Variants in MAPK6 observed in about 807,000 individuals in gnomAD.
The protein encoded by MAPK6 is mitogen-activated protein kinase 6.
MAPK6 carries 19 observed loss-of-function variants against 59.3 expected under a neutral mutation model. That is an observed-to-expected ratio of 0.32 (90% CI 0.22 to 0.47). The LOEUF is 0.47. MAPK6 is among the 20% of genes least tolerant of loss of function. The pLI, the probability that MAPK6 is intolerant of heterozygous loss-of-function variation, is 1.00. For missense variants in MAPK6, 724 were observed against 847.9 expected (o/e 0.85, Z 1.81); for synonymous variants, 316 against 290.3 (o/e 1.09, Z -0.90).
rs1418710403 is a variant in MAPK6 at position 52,064,465 on chromosome 15, C to G, written c.1631C>G (p.Thr544Ser). Reference sequence around the variant, plus strand: ...CAGCTTAGTTCCCAGCATGAGCCTACTGATGTTGTTGATAAATTAAATGAC... The same window carrying G: ...CAGCTTAGTTCCCAGCATGAGCCTAGTGATGTTGTTGATAAATTAAATGAC... ...TIQLSSQHEP[T>S]DVVDKLNDLN... Residue 544 changes from threonine to serine, a missense_variant, in exon 6 of 6, where the codon ACT becomes AGT. This residue lies in a region of MAPK6 where 502 missense variants were observed against 507.6 expected (regional missense o/e 0.99). Transcript: ENST00000261845. 6.2e-7 allele frequency: 1 copy of G among 1,608,704 alleles called. No individual in the cohort carries two copies. The highest frequency in any genetic ancestry group is 8.5e-7 in the Non-Finnish European group (1 of 1,178,274).
At chr15:52,047,645 C>CTTT (rs35508228) in intron 2 of MAPK6, among the ~76,000 whole-genome samples, 10 of 137,554 alleles carry the variant, frequency 7.3e-5, no homozygotes, top group East Asian at 2.1e-4. Flanking sequence ...CATGCCCAGC[C>CTTT]TTTTTTTTTT....
chr15:51,974,660 A>AAAAAAAAAAAAAAAAAAAAAAAG (rs2057152110), intron 1 of MAPK6, among the ~76,000 whole-genome samples: 1 of 140,072 alleles, frequency 7.1e-6, no homozygotes, highest in Non-Finnish European at 1.6e-5. Context: ...CTCCGTCTCA[A>AAAAAAAAAAAAAAAAAAAAAAAG]AAAAAAAAAA....
At chr15:52,058,548 ATAATATT>A (rs1234282670) in intron 3 of MAPK6, 78 bp from the exon 4 acceptor site, 3 of 1,168,782 alleles carry the variant, frequency 2.6e-6, no homozygotes, top group Non-Finnish European at 3.5e-6. Context: ...ACTGGTCATT[ATAATATT>A]TAAATTAGTT....
intron 1 of MAPK6, among the ~76,000 whole-genome samples, chr15:52,024,902 TA>T (rs34421666): frequency 0.012 from 1,655 of 138,826 alleles, 50 homozygotes; most frequent in East Asian, 0.043. Flanking sequence ...TTTTTTTTTT[TA>T]AGAATTGGAG....
intron 1 of MAPK6, among the ~76,000 whole-genome samples, chr15:51,979,159 AGAAGGAAGGAAAG>A (rs1159091616): frequency 6.7e-6 from 1 of 148,430 alleles, no homozygotes; most frequent in East Asian, 1.9e-4. Context: ...GGGAAGGAAG[AGAAGGAAGGAAAG>A]GAAGGAAGGA....
chr15:51,978,387 G>A (rs2057163181), intron 1 of MAPK6, among the ~76,000 whole-genome samples: 1 of 151,910 alleles, frequency 6.6e-6, no homozygotes, highest in Non-Finnish European at 1.5e-5. Context: ...ACCGGCCTTG[G>A]CCTCCCAGTA....
chr15:52,030,853 G>A (rs1310765942), intron 1 of MAPK6, among the ~76,000 whole-genome samples: 1 of 149,716 alleles, frequency 6.7e-6, no homozygotes, highest in Non-Finnish European at 1.5e-5. Flanking sequence ...ATGCAGTGGC[G>A]TGATCTCGGC....
intron 4 of MAPK6, among the ~76,000 whole-genome samples, 183 bp downstream of exon 4, chr15:52,058,980 G>T (rs1439865362): frequency 2.0e-5 from 3 of 152,226 alleles, no homozygotes; most frequent in South Asian, 4.1e-4. Flanking sequence ...CTTGGGCTAC[G>T]ATCTGTTTTT....
chr15:52,033,007 G>C (rs2031099921), intron 1 of MAPK6, among the ~76,000 whole-genome samples: 1 of 152,042 alleles, frequency 6.6e-6, no homozygotes, highest in Non-Finnish European at 1.5e-5. Context: ...ATGGAGACAG[G>C]GTCTCACTAT....
At chr15:51,975,982 G>A (rs571242482) in intron 1 of MAPK6, among the ~76,000 whole-genome samples, 2 of 151,654 alleles carry the variant, frequency 1.3e-5, no homozygotes, top group Non-Finnish European at 2.9e-5. Flanking sequence ...AAAGAGTTTG[G>A]GGGGCTGGAC....
At chr15:52,063,634 T>C (rs1324385200) in intron 5 of MAPK6, among the ~76,000 whole-genome samples, 1 of 152,034 alleles carries the variant, frequency 6.6e-6, no homozygotes, top group Non-Finnish European at 1.5e-5. Flanking sequence ...GATCTGCATT[T>C]TGTGGCTATG....
chr15:52,019,058 G>A (rs748433958), upstream of MAPK6: 1 of 152,256 alleles, frequency 6.6e-6, no homozygotes, highest in Admixed American at 6.5e-5. Context: ...GACGCCGGAC[G>A]AGCCGCGTGC....
In MAPK6 at chr15:51,998,162, G is replaced by A. The variant is rs144730356; in HGVS notation, c.-769-6103G>A. Among the ~76,000 whole-genome samples the A allele has an allele frequency of 9.9e-3, 1,478 of 150,002 alleles. 39 individuals are homozygous for A. The highest frequency in any genetic ancestry group is 0.035 in the African/African-American group (1,412 of 40,758). ...TTTCACCATGTTGGCCAGGATGGTC[G>A]CGATCGCCTGACCTCGTAATCCACC... On this transcript the variant is annotated intron_variant, in intron 2 of 7. Transcript: ENST00000691380.
In MAPK6 at chr15:52,061,363, A is replaced by G. The variant is rs751877977; in HGVS notation, c.930A>G (p.Ala310=). ...TGGATCGGTTAACAGCAGAAGAAGC[A>G]CTCTCCCATCCTTACATGAGCATAT... ...SPMDRLTAEE[A]LSHPYMSIYS... The change falls in exon 5 of 6, where the codon GCA becomes GCG. Residue 310 remains alanine, a synonymous_variant. Coordinates refer to ENST00000261845, the MANE Select transcript of MAPK6 (RefSeq NM_002748.4). 2 of 1,613,912 alleles carry G rather than the reference A, an allele frequency of 1.2e-6. No homozygotes were observed. Among genetic ancestry groups the G allele is most frequent in the Admixed American group, 1.7e-5 (1 of 60,014 alleles).
At chr15:52,056,156 T>C (rs531252951) in intron 3 of MAPK6, among the ~76,000 whole-genome samples, 48 of 152,360 alleles carry the variant, frequency 3.2e-4, no homozygotes, top group African/African-American at 1.1e-3. Flanking sequence ...GTGTGTCTTA[T>C]TTTTTGGTGC....
At chr15:52,022,756 C>G (rs1335710917) in intron 1 of MAPK6, among the ~76,000 whole-genome samples, 1 of 151,926 alleles carries the variant, frequency 6.6e-6, no homozygotes, top group Non-Finnish European at 1.5e-5. Context: ...AGAGGTTTAA[C>G]GTATTTTCGG....
chr15:52,060,805 C>A (rs953620164), intron 4 of MAPK6, among the ~76,000 whole-genome samples: 6 of 152,160 alleles, frequency 3.9e-5, no homozygotes, highest in African/African-American at 1.4e-4. Context: ...TTGTACTTCC[C>A]ATCAGTGAAG....
rs575567865 is a variant in MAPK6 at position 52,030,294 on chromosome 15, C to G, written c.-632+10918C>G. 5.9e-5 allele frequency among the ~76,000 whole-genome samples: 9 copies of G among 152,306 alleles called. No homozygotes were observed. In the South Asian group the frequency reaches 1.9e-3, roughly 32 times the overall value. ...TGGTCTTTCCTTACTAGAATGCGAG[C>G]TCTTCGGAAGCAGAAGAACCTTGTC... On this transcript the variant is annotated intron_variant, in intron 1 of 5. Transcript: ENST00000261845.
At chr15:52,025,033 A>G (rs147291264) in intron 1 of MAPK6, among the ~76,000 whole-genome samples, 234 of 152,134 alleles carry the variant, frequency 1.5e-3, no homozygotes, top group African/African-American at 5.4e-3. Flanking sequence ...AAGCACTGCT[A>G]AACGATGCAT....
Sources: allele counts gnomAD v4.1 joint callset (sites outside exome capture counted in the v4.1 genomes callset), GRCh38; gene constraint gnomAD v4.1.1; regional missense constraint gnomAD v4.1.1; transcripts MANE v1.5; gene names NCBI Gene and HGNC (gene_info 2026-07-23, HGNC 2026-07-21).